Variants in ATP2B2 observed in about 807,000 individuals in gnomAD.
The protein encoded by ATP2B2 is ATPase plasma membrane Ca2+ transporting 2, also known as plasma membrane calcium-transporting ATPase 2.
ATP2B2 carries 15 observed loss-of-function variants against 120.0 expected under a neutral mutation model. The observed-to-expected ratio is 0.12, with a 90% CI of 0.08 to 0.19. ATP2B2 has a LOEUF of 0.19. Ranked by LOEUF, ATP2B2 falls within the 10% of genes least tolerant of loss-of-function variation. ATP2B2 has a pLI of 1.00. For missense variants in ATP2B2, 1,045 were observed against 1,719.8 expected, an observed-to-expected ratio of 0.61 and a Z score of 6.94; for synonymous variants, 694 against 700.3, an observed-to-expected ratio of 0.99 and a Z score of 0.14.
intron 2 of ATP2B2, among the ~76,000 whole-genome samples, chr3:10,416,168 A>G (rs1360207934): frequency 6.6e-6 from 1 of 152,230 alleles, no homozygotes; most frequent in Non-Finnish European, 1.5e-5. Context: ...GTGTCCTACC[A>G]TGTATGTAAA....
chr3:10,547,422 G>C (rs142960056), intron 2 of ATP2B2, among the ~76,000 whole-genome samples: 1 of 152,114 alleles, frequency 6.6e-6, no homozygotes, highest in South Asian at 2.1e-4. Context: ...TTGACCACAC[G>C]CAACAGGGAG....
chr3:10,476,797 G>A (rs1294628562), intron 1 of ATP2B2, among the ~76,000 whole-genome samples: 1 of 152,248 alleles, frequency 6.6e-6, no homozygotes, highest in Non-Finnish European at 1.5e-5. Context: ...GGAAGGGGGT[G>A]AAGGTATGAC....
intron 2 of ATP2B2, among the ~76,000 whole-genome samples, chr3:10,579,885 C>G (rs1052827862): frequency 2.0e-5 from 3 of 150,168 alleles, no homozygotes; most frequent in Non-Finnish European, 4.5e-5. Flanking sequence ...AAGTGCCGCC[C>G]CACAGTTTCC....
At chr3:10,660,832 G>C (rs909395433) in intron 1 of ATP2B2, among the ~76,000 whole-genome samples, 1 of 152,108 alleles carries the variant, frequency 6.6e-6, no homozygotes, top group Non-Finnish European at 1.5e-5. Flanking sequence ...GATGAACATT[G>C]ATGCAAAAAT....
intron 1 of ATP2B2, among the ~76,000 whole-genome samples, chr3:10,482,210 C>A (rs923743732): frequency 4.6e-5 from 7 of 152,202 alleles, no homozygotes; most frequent in African/African-American, 1.7e-4. Context: ...ATGGCATCCT[C>A]ATAGCCAGCC....
chr3:10,672,213 C>A (rs35850808), intron 1 of ATP2B2, among the ~76,000 whole-genome samples: 11,014 of 152,226 alleles, frequency 0.072, 770 homozygotes, highest in East Asian at 0.37. Flanking sequence ...GCCCAAAACA[C>A]AAGTCAGTAC....
At chr3:10,619,216 C>G (rs1171209726) in intron 2 of ATP2B2, among the ~76,000 whole-genome samples, 1 of 152,122 alleles carries the variant, frequency 6.6e-6, no homozygotes, top group African/African-American at 2.4e-5. Flanking sequence ...AGCTTGTTTT[C>G]TCGGGGACAC....
chr3:10,606,939 GGAGAGGGAGA>G (rs2069096181), intron 2 of ATP2B2, among the ~76,000 whole-genome samples: 2 of 70,890 alleles, frequency 2.8e-5, no homozygotes, highest in South Asian at 6.1e-4. Context: ...AGAGAGAGAG[GGAGAGGGAGA>G]GGGGGAGGGG....
intron 2 of ATP2B2, among the ~76,000 whole-genome samples, chr3:10,579,115 T>C (rs2068323848): frequency 6.6e-6 from 1 of 152,232 alleles, no homozygotes; most frequent in Non-Finnish European, 1.5e-5. Flanking sequence ...GGACCAGGCC[T>C]ACCTCCCAGG....
At chr3:10,676,344 A>G (rs891665095) in intron 1 of ATP2B2, among the ~76,000 whole-genome samples, 10 of 151,792 alleles carry the variant, frequency 6.6e-5, no homozygotes, top group African/African-American at 2.4e-4. Context: ...GCCTTGAGGA[A>G]CTCTGTGGCC....
At chr3:10,575,321 C>A (rs566120408) in intron 2 of ATP2B2, among the ~76,000 whole-genome samples, 1 of 152,092 alleles carries the variant, frequency 6.6e-6, no homozygotes, top group Non-Finnish European at 1.5e-5. Flanking sequence ...GGTTATTATG[C>A]CCCATTTTGC....
At chr3:10,579,762 A>T (rs2068340996) in intron 2 of ATP2B2, among the ~76,000 whole-genome samples, 1 of 152,100 alleles carries the variant, frequency 6.6e-6, no homozygotes, top group Admixed American at 6.6e-5. Flanking sequence ...GTGAGCTGAG[A>T]TCATGCCACT....
chr3:10,483,104 C>T (rs968663815), intron 1 of ATP2B2, among the ~76,000 whole-genome samples: 28 of 152,246 alleles, frequency 1.8e-4, no homozygotes, highest in African/African-American at 5.3e-4. Context: ...CCCTCACTCA[C>T]GTGTCATCTA....
At chr3:10,629,100 C>A (rs1370497513) in intron 1 of ATP2B2, among the ~76,000 whole-genome samples, 1 of 152,128 alleles carries the variant, frequency 6.6e-6, no homozygotes, top group Non-Finnish European at 1.5e-5. Context: ...CAAAACAGCA[C>A]GGCAGCACCA....
At chr3:10,690,081 G>A (rs1485957304) in intron 1 of ATP2B2, among the ~76,000 whole-genome samples, 1 of 152,222 alleles carries the variant, frequency 6.6e-6, no homozygotes, top group Non-Finnish European at 1.5e-5. Context: ...CAGACACAAA[G>A]GCTCTGGGGG....
At chr3:10,665,051 C>A (rs559168416) in intron 1 of ATP2B2, among the ~76,000 whole-genome samples, 2 of 152,164 alleles carry the variant, frequency 1.3e-5, no homozygotes, top group Non-Finnish European at 2.9e-5. Context: ...ATGGTGGCTC[C>A]CTGTTGGGCT....
chr3:10,576,572 G>A (rs1575515291), intron 2 of ATP2B2, among the ~76,000 whole-genome samples: 1 of 152,088 alleles, frequency 6.6e-6, no homozygotes, highest in Non-Finnish European at 1.5e-5. Flanking sequence ...TAGAGATGGG[G>A]TCTCACTATA....
chr3:10,370,606 C>A (rs192987636), intron 12 of ATP2B2, among the ~76,000 whole-genome samples: 183 of 152,304 alleles, frequency 1.2e-3, no homozygotes, highest in Admixed American at 2.8e-3. Context: ...GGTGCAGGAG[C>A]CGCCTCCTCC....
intron 1 of ATP2B2, among the ~76,000 whole-genome samples, chr3:10,490,611 C>T (rs1052235936): frequency 6.6e-5 from 10 of 152,104 alleles, no homozygotes; most frequent in Admixed American, 5.9e-4. Context: ...TCAGGCCTGG[C>T]TGGTCTCGAG....
Sources: gnomAD v4.1 joint callset for allele counts (sites outside exome capture counted in the v4.1 genomes callset) on GRCh38, gnomAD v4.1.1 for gene constraint, MANE v1.5 for transcripts, NCBI Gene and HGNC (gene_info 2026-07-23, HGNC 2026-07-21) for gene names.